MARCHF3: variants seen among roughly 807,000 people sequenced by gnomAD.
MARCHF3 encodes the protein membrane associated ring-CH-type finger 3, also known as E3 ubiquitin-protein ligase MARCHF3.
MARCHF3 carries 13 observed loss-of-function variants against 24.2 expected under a neutral mutation model. The observed-to-expected ratio is 0.54, with a 90% CI of 0.35 to 0.85. The LOEUF (loss-of-function observed/expected upper bound fraction) is 0.85. Ranked by LOEUF, MARCHF3 falls within the 40% of genes least tolerant of loss-of-function variation. The pLI is 0.01. For missense variants in MARCHF3, 276 were observed against 325.0 expected, an observed-to-expected ratio of 0.85 and a Z score of 1.16; for synonymous variants, 144 against 137.3, an observed-to-expected ratio of 1.05 and a Z score of -0.34.
rs1403321182 is a variant in MARCHF3 at position 126,892,646 on chromosome 5, A to G, written c.394-14252T>C. On this transcript the variant is annotated intron_variant, in intron 3 of 4. Transcript: ENST00000308660. ...GCATCCCAGGGATGAAGCCCACTTGATCATGGTGGATAAGCTTTTTGATGT... is the reference window on the plus strand; with the variant it reads ...GCATCCCAGGGATGAAGCCCACTTGGTCATGGTGGATAAGCTTTTTGATGT... 3.3e-5 allele frequency among the ~76,000 whole-genome samples: 5 copies of G among 149,898 alleles called. 1 individual carries two copies. In the South Asian group the frequency reaches 8.5e-4, roughly 25 times the overall value.
chr5:126,942,562 C>T (rs960625324), intron 1 of MARCHF3, among the ~76,000 whole-genome samples: 39 of 152,038 alleles, frequency 2.6e-4, no homozygotes, highest in African/African-American at 9.2e-4. Context: ...AAATAAAATA[C>T]AGAGAAATAA....
chr5:126,961,762 C>T (rs1039026719), intron 1 of MARCHF3, among the ~76,000 whole-genome samples: 6 of 152,118 alleles, frequency 3.9e-5, no homozygotes, highest in Non-Finnish European at 5.9e-5. Context: ...AACTTGTCTA[C>T]GCTGGATATT....
At chr5:126,970,474 C>G (rs199872498) in intron 1 of MARCHF3, among the ~76,000 whole-genome samples, 3 of 145,214 alleles carry the variant, frequency 2.1e-5, no homozygotes, top group Non-Finnish European at 3.0e-5. Context: ...TACTTTTTTT[C>G]TTTTTTTTTT....
At chr5:126,874,835 G>T (rs1282022931) in intron 4 of MARCHF3, among the ~76,000 whole-genome samples, 1 of 151,958 alleles carries the variant, frequency 6.6e-6, no homozygotes, top group Non-Finnish European at 1.5e-5. Flanking sequence ...AGGCCGTGTG[G>T]GGGATGTGTC....
chr5:126,977,850 A>G (rs1751256114), intron 1 of MARCHF3, among the ~76,000 whole-genome samples: 1 of 152,270 alleles, frequency 6.6e-6, no homozygotes, highest in Non-Finnish European at 1.5e-5. Context: ...GATGCCTTCA[A>G]TGTATTAAGT....
intron 1 of MARCHF3, among the ~76,000 whole-genome samples, chr5:126,968,937 T>C (rs1024384835): frequency 6.6e-6 from 1 of 152,208 alleles, no homozygotes; most frequent in African/African-American, 2.4e-5. Flanking sequence ...TATGCAAATA[T>C]TTCCTTCCAT....
At position 126,905,921 on chromosome 5, in the gene MARCHF3, C is replaced by T. The variant is rs1229014824; in HGVS notation, c.393+9009G>A. Among the ~76,000 whole-genome samples, 144 of 152,124 alleles carry T rather than the reference C, an allele frequency of 9.5e-4. 1 individual carries two copies. Among genetic ancestry groups the T allele is most frequent in the African/African-American group, 2.8e-3 (118 of 41,432 alleles). ...TTTTCAAAAGGAATGCTTCCAGTTT[C>T]TGCCCATTCAGTATGATATTGGCTG... is the stretch of plus-strand genomic sequence containing the variant. On this transcript the variant is annotated intron_variant, in intron 3 of 4. Coordinates refer to ENST00000308660, the MANE Select transcript of MARCHF3 (RefSeq NM_178450.5).
Position 126,918,237 on chromosome 5 carries a change from A to T in MARCHF3, c.-56-10T>A. 3.3e-6 allele frequency: 5 copies of T among 1,493,192 alleles called. No homozygotes were observed. 92.5% of individuals were successfully genotyped at this position (1,493,192 alleles called of 1,614,324 possible). ...CATACAGGATTTCCATCTAAGAGAG[A>T]TCAGAAAACAGTTTACTTGGGCAGG... On this transcript the variant is annotated splice_polypyrimidine_tract_variant and intron_variant, in intron 1 of 4. Coordinates refer to ENST00000308660, the MANE Select transcript of MARCHF3 (RefSeq NM_178450.5).
At chr5:126,949,368 G>A (rs1051170525) in intron 1 of MARCHF3, among the ~76,000 whole-genome samples, 2 of 152,178 alleles carry the variant, frequency 1.3e-5, no homozygotes, top group African/African-American at 4.8e-5. Context: ...AACATTTCTA[G>A]CGGTTCTGAT....
At chr5:127,012,169 T>G (rs933378523) in intron 1 of MARCHF3, among the ~76,000 whole-genome samples, 1 of 152,182 alleles carries the variant, frequency 6.6e-6, no homozygotes, top group African/African-American at 2.4e-5. Flanking sequence ...TGCTCACACA[T>G]GGGAAACACA....
chr5:126,983,034 G>A (rs1179183107), intron 1 of MARCHF3, among the ~76,000 whole-genome samples: 1 of 152,158 alleles, frequency 6.6e-6, no homozygotes, highest in Non-Finnish European at 1.5e-5. Context: ...TAAAAGATAG[G>A]AGAAGCAGTG....
intron 1 of MARCHF3, among the ~76,000 whole-genome samples, chr5:127,021,024 C>A (rs1399811865): frequency 6.6e-6 from 1 of 152,242 alleles, no homozygotes; most frequent in South Asian, 2.1e-4. Flanking sequence ...AACTTCCCAG[C>A]ATCCAAAACT....
chr5:126,899,103 G>A (rs1754020506), intron 3 of MARCHF3: 12 of 985,216 alleles, frequency 1.2e-5, no homozygotes, highest in East Asian at 1.1e-4. Context: ...CAAAGAAACC[G>A]CTTTATCCCA....
Position 126,870,641 on chromosome 5 carries a change from C to T in MARCHF3, c.754G>A (p.Val252Ile). 2 of 1,614,116 alleles carry T rather than the reference C, an allele frequency of 1.2e-6. No homozygotes were observed. Among genetic ancestry groups the T allele is most frequent in the Non-Finnish European group, 1.7e-6 (2 of 1,179,964 alleles). The change falls in exon 5 of 5, where the codon GTT (valine) becomes ATT (isoleucine). Residue 252 changes from valine (V) to isoleucine (I), a missense_variant. Transcript: ENST00000308660. ...AACCAACCATACAAACATCAAACAA[C>T]TGTCTCCTTTGAGTTCCTCTTGACC... ...HSVKRNSKET[V>I]V
At position 126,870,685 on chromosome 5, in the gene MARCHF3, G is replaced by A. The variant is rs1210773145; in HGVS notation, c.710C>T (p.Ser237Phe). 2 of 1,614,210 alleles carry A rather than the reference G, an allele frequency of 1.2e-6. No individual in the cohort carries two copies. The highest frequency in any genetic ancestry group is 2.2e-5 in the South Asian group (2 of 91,082). ...CTTGACCGAATGGAGGCCCAGCAAG[G>A]ACGGCTGGTTAGAAGGTACATTGAC... ...KSVNVPSNQP[S>F]LLGLHSVKRN... The change falls in exon 5 of 5, where the codon TCC becomes TTC. Residue 237 changes from serine (S) to phenylalanine (F), a missense_variant. Transcript: ENST00000308660.
At chr5:126,910,561 A>T (rs1342136894) in intron 3 of MARCHF3, among the ~76,000 whole-genome samples, 1 of 152,246 alleles carries the variant, frequency 6.6e-6, no homozygotes, top group Non-Finnish European at 1.5e-5. Context: ...GACATTTATT[A>T]GTTCCCCAAA....
intron 1 of MARCHF3, among the ~76,000 whole-genome samples, chr5:126,997,722 A>T (rs1008212704): frequency 6.6e-6 from 1 of 152,234 alleles, no homozygotes; most frequent in African/African-American, 2.4e-5. Context: ...TGATAAGGCT[A>T]TGCTTTTCTG....
At chr5:127,007,729 C>A (rs113408236) in intron 1 of MARCHF3, among the ~76,000 whole-genome samples, 2,065 of 152,178 alleles carry the variant, frequency 0.014, 54 homozygotes, top group African/African-American at 0.048. Context: ...TGCTAGCTTG[C>A]ACAAATAGTG....
chr5:126,957,234 CTTT>C (rs1243323882), intron 1 of MARCHF3, among the ~76,000 whole-genome samples: 2 of 151,446 alleles, frequency 1.3e-5, no homozygotes, highest in Non-Finnish European at 2.9e-5. Context: ...TATTTTTTGC[CTTT>C]TTATTAGTGG....
Sources: gnomAD v4.1 joint callset for allele counts (sites outside exome capture counted in the v4.1 genomes callset) on GRCh38, gnomAD v4.1.1 for gene constraint, MANE v1.5 for transcripts, NCBI Gene and HGNC (gene_info 2026-07-23, HGNC 2026-07-21) for gene names.